ANO1: variants seen among roughly 807,000 people sequenced by gnomAD.
The protein encoded by ANO1 is anoctamin 1.
In ANO1, 59 loss-of-function variants were observed where a neutral mutation model predicts 124.0. The ratio of observed to expected loss-of-function variants is 0.48; its 90% CI spans 0.39 to 0.59. The LOEUF (loss-of-function observed/expected upper bound fraction) is 0.59. Among genes scored for constraint, ANO1 ranks in the 20% least tolerant of loss-of-function variants. The pLI, the probability that ANO1 is intolerant of heterozygous loss-of-function variation, is 0.00. For missense variants in ANO1, 1,059 were observed against 1,328.0 expected (o/e 0.80, Z 3.15); for synonymous variants, 529 against 532.0 (o/e 0.99, Z 0.08).
intron 9 of ANO1, among the ~76,000 whole-genome samples, 188 bp from the exon 10 acceptor site, chr11:70,125,873 G>A (rs1484703060): frequency 6.6e-6 from 1 of 151,808 alleles, no homozygotes; most frequent in African/African-American, 2.4e-5. Context: ...GAGAAGAGGG[G>A]AGGGCTTCAG....
chr11:70,178,444 A>G (rs2048813537), intron 22 of ANO1, among the ~76,000 whole-genome samples: 1 of 152,222 alleles, frequency 6.6e-6, no homozygotes, highest in African/African-American at 2.4e-5. Context: ...GAGCTACAAT[A>G]AACTCCTCAT....
At chr11:70,150,864 T>A (rs2135635454) in intron 12 of ANO1, among the ~76,000 whole-genome samples, 1 of 152,354 alleles carries the variant, frequency 6.6e-6, no homozygotes, top group South Asian at 2.1e-4. Flanking sequence ...TAAAAAAAAT[T>A]TTTTTTAACT....
intron 2 of ANO1, among the ~76,000 whole-genome samples, chr11:70,088,364 G>T (rs1374120740): frequency 6.6e-6 from 1 of 151,994 alleles, no homozygotes; most frequent in Non-Finnish European, 1.5e-5. Context: ...ACAAAAATTA[G>T]CTGGGCATGG....
At chr11:70,151,986 T>C (rs2047618438) in intron 12 of ANO1, among the ~76,000 whole-genome samples, 1 of 152,046 alleles carries the variant, frequency 6.6e-6, no homozygotes, top group Non-Finnish European at 1.5e-5. Context: ...GAACCCAGGG[T>C]CACCCACCCA....
chr11:70,023,201 C>T (rs1434661844), intron 1 of ANO1, among the ~76,000 whole-genome samples: 3 of 152,172 alleles, frequency 2.0e-5, no homozygotes, highest in Non-Finnish European at 4.4e-5. Flanking sequence ...GTGGGAAACT[C>T]GTGCGCTGGG....
intron 1 of ANO1, among the ~76,000 whole-genome samples, chr11:70,070,510 C>T (rs528042098): frequency 2.0e-5 from 3 of 152,202 alleles, no homozygotes; most frequent in South Asian, 4.2e-4. Flanking sequence ...TGGTGAAACC[C>T]GGTCTCTACT....
At chr11:70,155,475 C>T (rs1186579923) in intron 14 of ANO1, among the ~76,000 whole-genome samples, 1 of 152,210 alleles carries the variant, frequency 6.6e-6, no homozygotes, top group East Asian at 1.9e-4. Flanking sequence ...GATTTCCCTC[C>T]AGCTATGGCA....
chr11:70,030,750 C>T lies in ANO1; in HGVS notation c.58+44584C>T, dbSNP rs115866109. Among the ~76,000 whole-genome samples, 554 of 152,290 alleles carry T rather than the reference C, an allele frequency of 3.6e-3. 1 individual carries two copies. The highest frequency in any genetic ancestry group is 0.013 in the African/African-American group (531 of 41,550). On this transcript the variant is annotated intron_variant, in intron 1 of 27. Transcript: ENST00000531349. ...CTATTAATACAAAGCACTTTTGCCACGTAAGGCCACACAGTCACAGGTTCT... is the reference window on the plus strand; with the variant it reads ...CTATTAATACAAAGCACTTTTGCCATGTAAGGCCACACAGTCACAGGTTCT...
intron 11 of ANO1, among the ~76,000 whole-genome samples, chr11:70,146,395 T>C (rs1312058744): frequency 1.3e-5 from 2 of 152,090 alleles, no homozygotes; most frequent in African/African-American, 4.8e-5. Flanking sequence ...CTGGTGACTG[T>C]TGTTATGCTG....
intron 22 of ANO1, among the ~76,000 whole-genome samples, chr11:70,178,290 A>G (rs1256547639): frequency 6.6e-6 from 1 of 152,144 alleles, no homozygotes; most frequent in Admixed American, 6.5e-5. Context: ...GTGCCATCCA[A>G]CCCTCACCTG....
At chr11:70,152,307 CCTGCTCAATAGAG>C (rs2047633896) in intron 12 of ANO1, 130 bp from the exon 13 acceptor site, 1 of 768,682 alleles carries the variant, frequency 1.3e-6, no homozygotes, top group African/African-American at 1.8e-5. Flanking sequence ...TGCACTCCAG[CCTGCTCAATAGAG>C]CAAGACTCCA....
the ANO1 span, among the ~76,000 whole-genome samples, chr11:69,969,942 T>C: frequency 1.3e-5 from 2 of 149,864 alleles, no homozygotes; most frequent in African/African-American, 4.9e-5. Context: ...GTGAGACTCA[T>C]CTCAAAAAAC....
At chr11:70,075,544 A>T (rs1313138175), upstream of ANO1, 5 of 152,166 alleles carry the variant, frequency 3.3e-5, no homozygotes, top group Non-Finnish European at 7.3e-5. Context: ...CTGAAGAGCA[A>T]CACTGTGGCC....
At chr11:70,060,084 G>A (rs1304754680) in intron 1 of ANO1, among the ~76,000 whole-genome samples, 11 of 151,520 alleles carry the variant, frequency 7.3e-5, no homozygotes, top group African/African-American at 2.2e-4. Flanking sequence ...GTCTTAAGGA[G>A]AGCCTTTATT....
chr11:70,076,748 C>T (rs565266101), upstream of ANO1, among the ~76,000 whole-genome samples: 11 of 152,186 alleles, frequency 7.2e-5, no homozygotes, highest in Non-Finnish European at 1.6e-4. Flanking sequence ...ACTCAGTGCC[C>T]GTTGGCACCA....
intron 4 of ANO1, among the ~76,000 whole-genome samples, chr11:70,104,825 C>T (rs146048429): frequency 8.5e-5 from 13 of 152,234 alleles, no homozygotes; most frequent in Admixed American, 7.2e-4. Flanking sequence ...CAGTGCTGGC[C>T]TCACAGGGTC....
chr11:70,028,002 G>A (rs1555003397), intron 1 of ANO1, among the ~76,000 whole-genome samples: 1 of 152,046 alleles, frequency 6.6e-6, no homozygotes, highest in Non-Finnish European at 1.5e-5. Context: ...TACACCCGTG[G>A]GTTTTTTAAG....
chr11:70,180,351 C>T (rs1468364680), intron 23 of ANO1, among the ~76,000 whole-genome samples: 1 of 152,138 alleles, frequency 6.6e-6, no homozygotes, highest in Admixed American at 6.5e-5. Flanking sequence ...CAGCTCCCTA[C>T]AACCTCCGCC....
chr11:69,997,156 C>A (rs1387666809), intron 1 of ANO1, among the ~76,000 whole-genome samples: 1 of 152,158 alleles, frequency 6.6e-6, no homozygotes, highest in Non-Finnish European at 1.5e-5. Context: ...CTAGTTAAAT[C>A]TGAATATATT....
Sources: allele counts gnomAD v4.1 joint callset (sites outside exome capture counted in the v4.1 genomes callset), GRCh38; gene constraint gnomAD v4.1.1; transcripts MANE v1.5; gene names NCBI Gene and HGNC (gene_info 2026-07-23, HGNC 2026-07-21).